CHCHD6: variants seen among roughly 807,000 people sequenced by gnomAD.
CHCHD6 encodes the protein coiled-coil-helix-coiled-coil-helix domain containing 6, also known as MICOS complex subunit MIC25.
In CHCHD6, 28 loss-of-function variants were observed where a neutral mutation model predicts 32.3. The observed-to-expected ratio is 0.87, with a 90% CI of 0.64 to 1.19. CHCHD6 has a LOEUF of 1.19. Among genes scored for constraint, CHCHD6 ranks in the 50% most tolerant of loss-of-function variants. The pLI is 0.00. For missense variants in CHCHD6, 333 were observed against 307.0 expected (o/e 1.08, Z -0.63); for synonymous variants, 122 against 117.5 (o/e 1.04, Z -0.25).
chr3:126,876,251 G>A (rs999405919), intron 5 of CHCHD6, among the ~76,000 whole-genome samples: 10 of 152,242 alleles, frequency 6.6e-5, no homozygotes, highest in African/African-American at 2.2e-4. Context: ...ACCCAGTGCA[G>A]GTGTTACTGG....
intron 4 of CHCHD6, among the ~76,000 whole-genome samples, chr3:126,798,447 G>A (rs1304673746): frequency 2.0e-5 from 3 of 152,158 alleles, no homozygotes; most frequent in Admixed American, 2.0e-4. Flanking sequence ...TTGCTTTCAG[G>A]ATGGGCCACA....
At chr3:126,761,299 C>A (rs1937153940) in intron 4 of CHCHD6, among the ~76,000 whole-genome samples, 1 of 152,202 alleles carries the variant, frequency 6.6e-6, no homozygotes, top group South Asian at 2.1e-4. Context: ...TTCTCCACAT[C>A]TTTGTCTCTG....
chr3:126,772,720 G>A (rs1937566201), intron 4 of CHCHD6, among the ~76,000 whole-genome samples: 1 of 152,116 alleles, frequency 6.6e-6, no homozygotes. Flanking sequence ...GGGGTATTTA[G>A]CCCAATTATG....
intron 4 of CHCHD6, among the ~76,000 whole-genome samples, chr3:126,802,081 G>C (rs1939106730): frequency 6.6e-6 from 1 of 152,124 alleles, no homozygotes; most frequent in South Asian, 2.1e-4. Flanking sequence ...CATCATCAAA[G>C]ACCAAAAGTA....
chr3:126,924,633 G>A (rs1010497529), intron 6 of CHCHD6, among the ~76,000 whole-genome samples: 6 of 152,240 alleles, frequency 3.9e-5, no homozygotes, highest in Admixed American at 3.9e-4. Context: ...CTGTTTGCCA[G>A]TCAGGGCTTG....
At chr3:126,713,033 C>T (rs778523880) in intron 1 of CHCHD6, among the ~76,000 whole-genome samples, 5 of 152,164 alleles carry the variant, frequency 3.3e-5, no homozygotes, top group Admixed American at 1.3e-4. Context: ...GCAGTTTCTC[C>T]GTTTTGTTCT....
At chr3:126,874,153 T>G (rs1267730667) in intron 5 of CHCHD6, among the ~76,000 whole-genome samples, 1 of 152,196 alleles carries the variant, frequency 6.6e-6, no homozygotes, top group African/African-American at 2.4e-5. Context: ...CTCAGGACTG[T>G]CCTTCTCAAG....
intron 4 of CHCHD6, among the ~76,000 whole-genome samples, chr3:126,842,219 A>G (rs1428509289): frequency 6.6e-6 from 1 of 152,244 alleles, no homozygotes; most frequent in Non-Finnish European, 1.5e-5. Context: ...CTTGGAGTAC[A>G]GAGTGAGACT....
At chr3:126,927,366 T>TC (rs754310207) in intron 6 of CHCHD6, among the ~76,000 whole-genome samples, 1 of 152,246 alleles carries the variant, frequency 6.6e-6, no homozygotes, top group East Asian at 1.9e-4. Flanking sequence ...CAGGAAGCTG[T>TC]CTGGGGGGTG....
intron 6 of CHCHD6, among the ~76,000 whole-genome samples, chr3:126,955,717 C>A (rs980579140): frequency 6.6e-6 from 1 of 152,342 alleles, no homozygotes; most frequent in African/African-American, 2.4e-5. Flanking sequence ...GGGACACTCA[C>A]TGCTCATGTT....
chr3:126,719,140 G>C (rs1935159270), intron 1 of CHCHD6, among the ~76,000 whole-genome samples: 1 of 152,174 alleles, frequency 6.6e-6, no homozygotes, highest in South Asian at 2.1e-4. Flanking sequence ...ATACGGTCTA[G>C]CCTGTGCCTG....
At chr3:126,889,337 G>T (rs892613027) in intron 5 of CHCHD6, among the ~76,000 whole-genome samples, 1 of 152,180 alleles carries the variant, frequency 6.6e-6, no homozygotes, top group Admixed American at 6.5e-5. Context: ...CCTGGAGGCT[G>T]CAGACCAGCG....
At chr3:126,825,151 A>G (rs1204552915) in intron 4 of CHCHD6, among the ~76,000 whole-genome samples, 5 of 150,648 alleles carry the variant, frequency 3.3e-5, no homozygotes, top group Non-Finnish European at 7.4e-5. Context: ...ATCTATTTTG[A>G]TTTTTTTTTG....
chr3:126,844,135 T>A (rs1941202586), intron 4 of CHCHD6, among the ~76,000 whole-genome samples: 1 of 152,230 alleles, frequency 6.6e-6, no homozygotes, highest in Non-Finnish European at 1.5e-5. Context: ...TAGCTCAAGA[T>A]GTGGTCCATT....
intron 4 of CHCHD6, among the ~76,000 whole-genome samples, chr3:126,847,599 C>A (rs1941334718): frequency 6.6e-6 from 1 of 152,182 alleles, no homozygotes; most frequent in Non-Finnish European, 1.5e-5. Context: ...GAGGAGATCC[C>A]ACAGGGGCAT....
chr3:126,833,007 G>A (rs760104438), intron 4 of CHCHD6, among the ~76,000 whole-genome samples: 2 of 152,206 alleles, frequency 1.3e-5, no homozygotes, highest in African/African-American at 2.4e-5. Context: ...TGCTCCCCAA[G>A]TGGCTAAGAA....
At chr3:126,863,628 C>G (rs1942067550) in intron 5 of CHCHD6, among the ~76,000 whole-genome samples, 1 of 139,356 alleles carries the variant, frequency 7.2e-6, no homozygotes. Context: ...CCATCACCAC[C>G]TCACCCTCTT....
At chr3:126,776,012 G>A (rs1937636479) in intron 4 of CHCHD6, among the ~76,000 whole-genome samples, 1 of 152,224 alleles carries the variant, frequency 6.6e-6, no homozygotes, top group Non-Finnish European at 1.5e-5. Context: ...AGACCAGTGT[G>A]GAAGGTGAGC....
intron 4 of CHCHD6, among the ~76,000 whole-genome samples, chr3:126,749,319 A>T (rs1936632310): frequency 6.6e-6 from 1 of 152,218 alleles, no homozygotes; most frequent in Non-Finnish European, 1.5e-5. Context: ...ATGGTGACCC[A>T]GACAAAGGAC....
Sources: allele counts gnomAD v4.1 joint callset (sites outside exome capture counted in the v4.1 genomes callset), GRCh38; gene constraint gnomAD v4.1.1; transcripts MANE v1.5; gene names NCBI Gene and HGNC (gene_info 2026-07-23, HGNC 2026-07-21).